Variants in RUNX3 observed in about 807,000 individuals in gnomAD.
The protein encoded by RUNX3 is runt-related transcription factor 3.
RUNX3 carries 10 observed loss-of-function variants against 27.7 expected under a neutral mutation model. The ratio of observed to expected loss-of-function variants is 0.36; its 90% CI spans 0.22 to 0.61. RUNX3 has a LOEUF of 0.61. RUNX3 is among the 20% of genes least tolerant of loss of function. RUNX3 has a pLI of 0.72. For synonymous variants in RUNX3, 270 were observed against 269.2 expected (o/e 1.00, Z -0.03); for missense variants, 469 against 629.5 (o/e 0.75, Z 2.73).
intron 2 of RUNX3, 62 bp from the exon 3 acceptor site, chr1:24,919,406 C>A: frequency 9.2e-7 from 1 of 1,090,008 alleles, no homozygotes; most frequent in South Asian, 1.3e-5. Flanking sequence ...ATACCCTGCT[C>A]TCCCACCTGT....
At chr1:24,930,366 GC>G, upstream of RUNX3, 1 of 389,176 alleles carries the variant, frequency 2.6e-6, no homozygotes, top group Non-Finnish European at 3.5e-6. The surrounding 1 kb of genome is among the most constrained non-coding windows in gnomAD (Gnocchi z 4.1). Flanking sequence ...AATCGGCGGA[GC>G]CCCCATCGCG....
chr1:24,926,465 CAAGT>C (rs1461536227), intron 2 of RUNX3, among the ~76,000 whole-genome samples: 2 of 152,174 alleles, frequency 1.3e-5, no homozygotes, highest in African/African-American at 2.4e-5. Flanking sequence ...TAAAAAGTAA[CAAGT>C]AAACAGTTAT....
intron 2 of RUNX3, among the ~76,000 whole-genome samples, chr1:24,959,223 G>A (rs1035758144): frequency 6.0e-4 from 92 of 152,356 alleles, no homozygotes; most frequent in South Asian, 6.2e-4. Context: ...GGGGCTGCTG[G>A]GGGCCTCCAG....
At chr1:24,908,213 C>T (rs1557837357) in intron 3 of RUNX3, among the ~76,000 whole-genome samples, 12 of 147,758 alleles carry the variant, frequency 8.1e-5, no homozygotes, top group African/African-American at 2.8e-4. Context: ...CTCTACGACA[C>T]GCGGTGATCT....
At chr1:24,958,373 A>G (rs1175016603) in intron 2 of RUNX3, among the ~76,000 whole-genome samples, 2 of 152,204 alleles carry the variant, frequency 1.3e-5, no homozygotes, top group Non-Finnish European at 2.9e-5. Flanking sequence ...AAGGAAAGTC[A>G]GTTTTCCTGC....
intron 2 of RUNX3, among the ~76,000 whole-genome samples, chr1:24,938,085 G>A (rs114859861): frequency 2.6e-4 from 40 of 152,334 alleles, no homozygotes; most frequent in Non-Finnish European, 5.3e-4. Context: ...TGAAAGTTGG[G>A]GCTGAACAGA....
intron 3 of RUNX3, among the ~76,000 whole-genome samples, chr1:24,908,168 TGATCCGAAGCTCTAC>T (rs1557837296): frequency 5.3e-5 from 7 of 132,664 alleles, no homozygotes; most frequent in Admixed American, 7.2e-5. Context: ...CGACACGCGG[TGATCCGAAGCTCTAC>T]GACACGCGGT....
chr1:24,922,456 G>A (rs1363035579), intron 2 of RUNX3, among the ~76,000 whole-genome samples: 2 of 152,046 alleles, frequency 1.3e-5, no homozygotes, highest in Admixed American at 1.3e-4. Flanking sequence ...ACAAACCACA[G>A]AGGTATTATC....
rs1306583186 is a variant in RUNX3, at chr1:24,943,653, G to A, written c.59-13801C>T. On this transcript the variant is annotated intron_variant, in intron 2 of 6. Coordinates refer to the RUNX3 transcript ENST00000338888. The surrounding 1 kb of genome is among the most constrained non-coding windows in gnomAD (Gnocchi z 4.6). ...CTAGTCCCCTTGTGTCGGAAAAACA[G>A]GTCTGGAGAGGGGATGTGACGTGCT... 6.6e-6 allele frequency among the ~76,000 whole-genome samples: 1 copy of A among 152,166 alleles called. No individual in the cohort carries two copies. The highest frequency in any genetic ancestry group is 2.4e-5 in the African/African-American group (1 of 41,442).
upstream of RUNX3, among the ~76,000 whole-genome samples, chr1:24,934,734 G>A (rs1391813346): frequency 6.6e-6 from 1 of 152,154 alleles, no homozygotes; most frequent in Non-Finnish European, 1.5e-5. Flanking sequence ...CAAAATGTGG[G>A]GCATGAACGC....
rs1351930421 is a variant in RUNX3, at chr1:24,901,319, CT to C, written c.*802del. The C allele has an allele frequency of 2.0e-5, 3 of 152,686 alleles. No homozygotes were observed. The highest frequency in any genetic ancestry group is 4.4e-5 in the Non-Finnish European group (3 of 68,050). The allele number at this position is 152,686 out of a possible 1,614,324, so 9.5% of individuals were successfully genotyped here. A position where few individuals can be genotyped will look rare whatever the true frequency, so the allele number is the denominator to read the frequency against. Reference sequence around the variant, plus strand: ...GGGGAAAGGGGACCTCCTATCCCCCCTCCCCCGCCCTGCCAAGAGAACAGAG... The same window carrying C: ...GGGGAAAGGGGACCTCCTATCCCCCCCCCCCGCCCTGCCAAGAGAACAGAG... On this transcript the variant is annotated 3_prime_UTR_variant, in exon 5 of 5. Coordinates refer to ENST00000308873, the MANE Select transcript of RUNX3 (RefSeq NM_004350.3).
chr1:24,942,938 G>A (rs868328805), intron 2 of RUNX3, among the ~76,000 whole-genome samples: 31 of 152,244 alleles, frequency 2.0e-4, no homozygotes, highest in African/African-American at 3.4e-4. Flanking sequence ...GAGCCAGCCC[G>A]TGGGCACCGC....
In RUNX3 at chr1:24,927,538, C is replaced by T; in HGVS notation, c.439+36G>A. ...TCCTTCCCTGCTGCCCCTGCCATTG[C>T]CAATGCTGAAATGGCGAGGCCTCCC... On this transcript the variant is annotated intron_variant, in intron 2 of 4. Transcript: ENST00000308873. This position sits in a 1 kb window ranked among gnomAD's most constrained non-coding sequence, Gnocchi z 5.0. 2 of 1,610,636 alleles carry T rather than the reference C, an allele frequency of 1.2e-6. No homozygotes were observed. Among genetic ancestry groups the T allele is most frequent in the Non-Finnish European group, 1.7e-6 (2 of 1,177,136 alleles).
At chr1:24,924,306 T>G (rs1205868270) in intron 2 of RUNX3, among the ~76,000 whole-genome samples, 3 of 151,908 alleles carry the variant, frequency 2.0e-5, no homozygotes, top group Non-Finnish European at 4.4e-5. Flanking sequence ...AGGTTGAGAC[T>G]GCAGTGATCG....
upstream of RUNX3, among the ~76,000 whole-genome samples, chr1:24,931,191 G>A (rs1036641462): frequency 2.6e-5 from 4 of 152,282 alleles, no homozygotes; most frequent in African/African-American, 7.2e-5. Flanking sequence ...CTCGCTTTCA[G>A]AGGAGAGAAT....
In RUNX3 at chr1:24,902,359, G is replaced by A. The variant is rs748193257; in HGVS notation, c.1011C>T (p.Ser337=). ...CCATGGAGAACTGGTAGGAGCCAGAGGATGTCCCGTAGTAGAGGTGGTAGG... is the reference window on the plus strand; with the variant it reads ...CCATGGAGAACTGGTAGGAGCCAGAAGATGTCCCGTAGTAGAGGTGGTAGG... ...PSPYHLYYGT[S]SGSYQFSMVA... is the part of the protein sequence containing the mutation. Residue 337 remains serine (S), a synonymous_variant, in exon 5 of 5, where the codon TCC becomes TCT. Transcript: ENST00000308873. This position sits in a 1 kb window ranked among gnomAD's most constrained non-coding sequence, Gnocchi z 9.2. 5.6e-6 allele frequency: 9 copies of A among 1,612,140 alleles called. No individual in the cohort carries two copies. The highest frequency in any genetic ancestry group is 3.3e-5 in the Admixed American group (2 of 59,982).
chr1:24,955,969 C>T (rs1246532464), intron 2 of RUNX3, among the ~76,000 whole-genome samples: 12 of 152,264 alleles, frequency 7.9e-5, no homozygotes, highest in Admixed American at 5.9e-4. Flanking sequence ...CCGCTGGGGA[C>T]GTAGGCCCAC....
In RUNX3 at chr1:24,916,527, A is replaced by G. The variant is rs1161627040; in HGVS notation, c.544+2713T>C. ...CTTTGCACAGGGCCTGACGCAAGGG[A>G]GGGGGTTGCTCAGTGACCAGGAGCC... On this transcript the variant is annotated intron_variant, in intron 3 of 4. Coordinates refer to ENST00000308873, the MANE Select transcript of RUNX3 (RefSeq NM_004350.3). This position sits in a 1 kb window ranked among gnomAD's most constrained non-coding sequence, Gnocchi z 4.8. Among the ~76,000 whole-genome samples the G allele has an allele frequency of 6.6e-6, 1 of 152,064 alleles. No individual in the cohort carries two copies. Among genetic ancestry groups the G allele is most frequent in the Non-Finnish European group, 1.5e-5 (1 of 68,016 alleles).
intron 2 of RUNX3, among the ~76,000 whole-genome samples, chr1:24,946,320 T>C (rs1347310533): frequency 6.6e-6 from 1 of 152,160 alleles, no homozygotes; most frequent in African/African-American, 2.4e-5. Context: ...TCCCACTGGG[T>C]GTTCAGCCTT....
Sources: gnomAD v4.1 joint callset for allele counts (sites outside exome capture counted in the v4.1 genomes callset) on GRCh38, gnomAD v4.1.1 for gene constraint, Gnocchi (gnomAD v3.1) non-coding constraint, MANE v1.5 for transcripts, NCBI Gene and HGNC (gene_info 2026-07-23, HGNC 2026-07-21) for gene names.